Variants in OR5P3 observed in about 807,000 individuals in gnomAD.
The protein encoded by OR5P3 is olfactory receptor family 5 subfamily P member 3, also known as olfactory receptor 5P3.
For missense variants in OR5P3, 415 were observed against 375.6 expected, an observed-to-expected ratio of 1.10 and a Z score of -0.87; for synonymous variants, 172 against 141.8, an observed-to-expected ratio of 1.21 and a Z score of -1.51.
intron 1 of OR5P3, among the ~76,000 whole-genome samples, chr11:7,830,521 A>G (rs1209592211): frequency 6.6e-6 from 1 of 152,180 alleles, no homozygotes; most frequent in African/African-American, 2.4e-5. Flanking sequence ...GTTGGACAGA[A>G]ATGCCATGAG....
At chr11:7,826,105 T>G in intron 1 of OR5P3, 112 bp from the exon 2 acceptor site, 1 of 594,192 alleles carries the variant, frequency 1.7e-6, no homozygotes, top group East Asian at 2.8e-5. Context: ...CTCATGTAAA[T>G]TTGGGAAGAA....
At chr11:7,829,180 C>A (rs1186137797) in intron 1 of OR5P3, among the ~76,000 whole-genome samples, 1 of 152,032 alleles carries the variant, frequency 6.6e-6, no homozygotes, top group Non-Finnish European at 1.5e-5. Context: ...ATAGAAAGAC[C>A]AATATGCACC....
rs1857724371 is a variant in OR5P3, at chr11:7,825,441, A to C, written c.532T>G (p.Phe178Val). Residue 178 changes from phenylalanine to valine, a missense_variant, in exon 2 of 2, where the codon TTC becomes GTC. Coordinates refer to ENST00000641167, the MANE Select transcript of OR5P3 (RefSeq NM_153445.2). ...TTCAAAAGTGGTGAATAGTCACAGA[A>C]AAAGTGATTGACTTTATTTGGCCCA... is the stretch of plus-strand genomic sequence containing the variant. ...FCGPNKVNHF[F>V]CDYSPLLKLA... 6.2e-7 allele frequency: 1 copy of C among 1,613,318 alleles called. No individual in the cohort carries two copies. Among genetic ancestry groups the C allele is most frequent in the Non-Finnish European group, 8.5e-7 (1 of 1,180,044 alleles).
In OR5P3 at chr11:7,825,828, TCAATA is replaced by T; in HGVS notation, c.140_144del (p.Val47AspfsTer73). On this transcript the variant is annotated frameshift_variant, in exon 2 of 2. Transcript: ENST00000641167. LOFTEE classifies it low-confidence loss of function (END_TRUNC). ...GTATGAAGATGATGACTTCTTCTGA[TCAATA>T]CAATTATGCTGATATTACCCATTAA... The T allele has an allele frequency of 6.2e-7, 1 of 1,612,980 alleles. No individual in the cohort carries two copies.
At chr11:7,827,658 C>T (rs1857759676) in intron 1 of OR5P3, among the ~76,000 whole-genome samples, 1 of 152,018 alleles carries the variant, frequency 6.6e-6, no homozygotes, top group Non-Finnish European at 1.5e-5. Flanking sequence ...AATTATTCTA[C>T]CAGTGAAAAC....
At position 7,825,257 on chromosome 11, in the gene OR5P3, G is replaced by A. The variant is rs1294197527; in HGVS notation, c.716C>T (p.Ser239Phe). 11 of 1,613,146 alleles carry A rather than the reference G, an allele frequency of 6.8e-6. No homozygotes were observed. Among genetic ancestry groups the A allele is most frequent in the Non-Finnish European group, 9.3e-6 (11 of 1,180,034 alleles). The change falls in exon 2 of 2, where the codon TCC becomes TTC. Residue 239 changes from serine (S) to phenylalanine (F), a missense_variant. By Grantham distance (155) the Ser-to-Phe change is radical. Coordinates refer to ENST00000641167, the MANE Select transcript of OR5P3 (RefSeq NM_153445.2). ...TGCAGTGAGGTGGGAGGTGCAGGTG[G>A]AGAAGGCCTTGTGGCGGCCCTTGGT... is the stretch of plus-strand genomic sequence containing the variant. ...HSTKGRHKAFSTCTSHLTAVT... is the reference protein window; with the variant it reads ...HSTKGRHKAFFTCTSHLTAVT...
At chr11:7,829,334 A>T (rs1221226633) in intron 1 of OR5P3, among the ~76,000 whole-genome samples, 1 of 152,192 alleles carries the variant, frequency 6.6e-6, no homozygotes. Context: ...ATGAAGGAAC[A>T]TAAGCAATTT....
intron 1 of OR5P3, among the ~76,000 whole-genome samples, chr11:7,828,426 G>C (rs1857769858): frequency 1.3e-5 from 2 of 152,172 alleles, no homozygotes; most frequent in Admixed American, 6.6e-5. Context: ...CTGAGAGAGA[G>C]AGTACAGAAG....
chr11:7,824,932 G>T lies in OR5P3; in HGVS notation c.*105C>A. 1.2e-6 allele frequency: 1 copy of T among 824,664 alleles called. No homozygotes were observed. The highest frequency in any genetic ancestry group is 1.8e-5 in the African/African-American group (1 of 56,592). 51.1% of individuals were successfully genotyped at this position (824,664 alleles called of 1,614,324 possible). On this transcript the variant is annotated 3_prime_UTR_variant, in exon 2 of 2. Transcript: ENST00000641167. Reference sequence around the variant, plus strand: ...GATTGACTAAAAAGCTCCACACTGGGTAATGGTCTATGGACAGATAAATTT... The same window carrying T: ...GATTGACTAAAAAGCTCCACACTGGTTAATGGTCTATGGACAGATAAATTT...
Position 7,825,151 on chromosome 11 carries a change from C to T in OR5P3, c.822G>A (p.Val274=), listed in dbSNP as rs555001644. ...SSYSTDQNKV[V]SVFYTVVIPM... Reference sequence around the variant, plus strand: ...GAATCACCACGGTGTAGAACACAGACACCACCTTGTTCTGGTCAGTTGAGT... The same window carrying T: ...GAATCACCACGGTGTAGAACACAGATACCACCTTGTTCTGGTCAGTTGAGT... Residue 274 remains valine (V), a synonymous_variant, in exon 2 of 2, where the codon GTG becomes GTA. Coordinates refer to ENST00000641167, the MANE Select transcript of OR5P3 (RefSeq NM_153445.2). The T allele has an allele frequency of 1.2e-5, 20 of 1,607,034 alleles. No individual in the cohort carries two copies. The East Asian group carries it at 4.5e-4, about 36-fold the overall frequency.
Position 7,825,629 on chromosome 11 carries a change from A to G in OR5P3, c.344T>C (p.Leu115Pro). 1 of 1,613,176 alleles carries G rather than the reference A, an allele frequency of 6.2e-7. No individual in the cohort carries two copies. Among genetic ancestry groups the G allele is most frequent in the Non-Finnish European group, 8.5e-7 (1 of 1,180,018 alleles). ...VTFGTAECFL[L>P]AAMAYDRYVA... ...ATAGCGATCATAGGCCATGGCAGCCAGCAGGAAGCACTCGGCCGTACCAAA... is the reference window on the plus strand; with the variant it reads ...ATAGCGATCATAGGCCATGGCAGCCGGCAGGAAGCACTCGGCCGTACCAAA... Residue 115 changes from leucine (L) to proline (P), a missense_variant, in exon 2 of 2, where the codon CTG (leucine) becomes CCG (proline). Leu to Pro is a moderately conservative substitution (Grantham distance 98). Transcript: ENST00000641167.
At chr11:7,826,918 T>C (rs540918446) in intron 1 of OR5P3, among the ~76,000 whole-genome samples, 2 of 152,250 alleles carry the variant, frequency 1.3e-5, no homozygotes, top group African/African-American at 4.8e-5. Flanking sequence ...TGGAAGGCCC[T>C]CCTCCATACC....
intron 1 of OR5P3, among the ~76,000 whole-genome samples, chr11:7,827,040 A>G (rs1446240206): frequency 4.6e-5 from 7 of 152,216 alleles, no homozygotes; most frequent in African/African-American, 1.7e-4. Flanking sequence ...AAAATTATAA[A>G]CGGAGATCTA....
Position 7,825,753 on chromosome 11 carries a change from A to C in OR5P3, c.220T>G (p.Ser74Ala). 6.2e-7 allele frequency: 1 copy of C among 1,613,240 alleles called. No individual in the cohort carries two copies. The highest frequency in any genetic ancestry group is 1.7e-4 in the Middle Eastern group (1 of 6,060). The change falls in exon 2 of 2, where the codon TCC (serine) becomes GCC (alanine). Residue 74 changes from serine to alanine, a missense_variant. Ser to Ala is a moderately conservative substitution (Grantham distance 99). Transcript: ENST00000641167. ...CHLAFVDIGYSSSVTPVMLMS... is the reference protein window; with the variant it reads ...CHLAFVDIGYASSVTPVMLMS... ...AGCATGACAGGTGTGACTGATGAGG[A>C]GTACCCAATGTCTACAAAGGCCAAA...
chr11:7,828,397 G>C (rs533632517), intron 1 of OR5P3, among the ~76,000 whole-genome samples: 1 of 152,322 alleles, frequency 6.6e-6, no homozygotes, highest in East Asian at 1.9e-4. Flanking sequence ...CTTAGCTCCA[G>C]CTGAATAGAG....
intron 1 of OR5P3, among the ~76,000 whole-genome samples, chr11:7,826,792 T>G (rs1857747159): frequency 6.6e-6 from 1 of 152,222 alleles, no homozygotes; most frequent in African/African-American, 2.4e-5. Flanking sequence ...CCCAAGACTC[T>G]GCATAAGCTG....
Position 7,825,667 on chromosome 11 carries a change from A to G in OR5P3, c.306T>C (p.Cys102=), listed in dbSNP as rs1377294858. 1 of 1,613,144 alleles carries G rather than the reference A, an allele frequency of 6.2e-7. No individual in the cohort carries two copies. The highest frequency in any genetic ancestry group is 1.7e-5 in the Admixed American group (1 of 59,970). The change falls in exon 2 of 2, where the codon TGT becomes TGC. Residue 102 remains cysteine, a synonymous_variant. Coordinates refer to ENST00000641167, the MANE Select transcript of OR5P3 (RefSeq NM_153445.2). ...CGGCCGTACCAAACGTCACTACAGA[A>G]CAGAGCTGGGCCACACAACCAGCAA... ...LPVAGCVAQL[C]SVVTFGTAEC...
intron 1 of OR5P3, among the ~76,000 whole-genome samples, chr11:7,828,405 G>T (rs764267372): frequency 6.6e-6 from 1 of 152,200 alleles, no homozygotes; most frequent in Non-Finnish European, 1.5e-5. Context: ...CAGCTGAATA[G>T]AGATGGCATT....
chr11:7,824,818 A>C lies in OR5P3; in HGVS notation c.*219T>G. The C allele has an allele frequency of 9.4e-6, 3 of 318,774 alleles. No homozygotes were observed. The highest frequency in any genetic ancestry group is 1.7e-5 in the Non-Finnish European group (3 of 180,944). The allele number at this position is 318,774 out of a possible 1,614,324, so 19.7% of individuals were successfully genotyped here. A position where few individuals can be genotyped will look rare whatever the true frequency, so the allele number is the denominator to read the frequency against. On this transcript the variant is annotated 3_prime_UTR_variant, in exon 2 of 2. Transcript: ENST00000641167. ...ATTTTTTTCATGTGAAACTATTTGC[A>C]TTCTCAATTATAAATTTAATTAAAT...
Sources: gnomAD v4.1 joint callset for allele counts (sites outside exome capture counted in the v4.1 genomes callset) on GRCh38, gnomAD v4.1.1 for gene constraint, MANE v1.5 for transcripts, NCBI Gene and HGNC (gene_info 2026-07-23, HGNC 2026-07-21) for gene names.